The following PTPRN2 variants were observed in gnomAD, a reference collection of about 807,000 sequenced individuals.
PTPRN2 encodes the protein protein tyrosine phosphatase receptor type N2.
A neutral mutation model predicts 118.8 loss-of-function variants in PTPRN2; 74 were observed. That is an observed-to-expected ratio of 0.62 (90% CI 0.52 to 0.76). The LOEUF is 0.76. Among genes scored for constraint, PTPRN2 ranks in the 30% least tolerant of loss-of-function variants. The pLI, the probability that PTPRN2 is intolerant of heterozygous loss-of-function variation, is 0.00. For synonymous variants in PTPRN2, 641 were observed against 608.0 expected (o/e 1.05, Z -0.80); for missense variants, 1,481 against 1,394.4 (o/e 1.06, Z -0.99).
At chr7:157,796,362 C>T (rs911284807) in intron 12 of PTPRN2, among the ~76,000 whole-genome samples, 24 of 151,798 alleles carry the variant, frequency 1.6e-4, no homozygotes, top group African/African-American at 5.8e-4. Context: ...CCCTGTGGGG[C>T]CTTGTGGGCT....
intron 22 of PTPRN2, among the ~76,000 whole-genome samples, chr7:157,543,816 GTC>G (rs1207779118): frequency 6.6e-6 from 1 of 152,210 alleles, no homozygotes; most frequent in East Asian, 1.9e-4. Context: ...ACCTTCCTGT[GTC>G]TGTCACCTTC....
chr7:158,214,944 C>T (rs116534674), intron 3 of PTPRN2, among the ~76,000 whole-genome samples: 1 of 152,038 alleles, frequency 6.6e-6, no homozygotes, highest in Non-Finnish European at 1.5e-5. Context: ...TGACATAATA[C>T]AAAAATGTCC....
At chr7:158,312,824 TCCC>T (rs1801964066) in intron 3 of PTPRN2, among the ~76,000 whole-genome samples, 1 of 150,860 alleles carries the variant, frequency 6.6e-6, no homozygotes, top group Admixed American at 6.6e-5. Flanking sequence ...CGTGTAGATA[TCCC>T]CTACACGTGA....
intron 2 of PTPRN2, among the ~76,000 whole-genome samples, chr7:158,388,816 C>T (rs759025220): frequency 1.3e-4 from 20 of 152,192 alleles, no homozygotes; most frequent in Non-Finnish European, 2.5e-4. Context: ...CACTCATCGC[C>T]CCAGAGACTC....
intron 2 of PTPRN2, among the ~76,000 whole-genome samples, chr7:158,336,129 C>T (rs1210824910): frequency 6.2e-5 from 1 of 16,108 alleles, no homozygotes; most frequent in Non-Finnish European, 1.7e-4. Flanking sequence ...AGAGGTGACA[C>T]GTGCAGACGT....
intron 9 of PTPRN2, among the ~76,000 whole-genome samples, chr7:158,116,296 G>A (rs1369928541): frequency 6.6e-6 from 1 of 152,182 alleles, no homozygotes; most frequent in Non-Finnish European, 1.5e-5. Context: ...TTGGGAAGAT[G>A]GTGAGTAGGA....
At chr7:158,230,666 A>C (rs1366949988) in intron 3 of PTPRN2, among the ~76,000 whole-genome samples, 1 of 152,226 alleles carries the variant, frequency 6.6e-6, no homozygotes, top group African/African-American at 2.4e-5. Context: ...AAAAACTGTA[A>C]CACATGCACT....
intron 1 of PTPRN2, among the ~76,000 whole-genome samples, chr7:158,575,653 A>T (rs1586970423): frequency 6.6e-6 from 1 of 152,210 alleles, no homozygotes; most frequent in South Asian, 2.1e-4. Flanking sequence ...GGCATGAGCC[A>T]ATGTGCCCGG....
At chr7:157,842,615 A>G (rs1808514508) in intron 12 of PTPRN2, among the ~76,000 whole-genome samples, 1 of 151,920 alleles carries the variant, frequency 6.6e-6, no homozygotes, top group Non-Finnish European at 1.5e-5. Context: ...GGGTTTCACC[A>G]TGTCGGTCAG....
chr7:157,802,225 C>T (rs940423837), intron 12 of PTPRN2, among the ~76,000 whole-genome samples: 1 of 152,238 alleles, frequency 6.6e-6, no homozygotes, highest in South Asian at 2.1e-4. Context: ...GCCCTTGGAA[C>T]GGCCCCTTCC....
chr7:158,306,855 GTTTTTTTTTTTTTTTT>G (rs61276074), intron 3 of PTPRN2, among the ~76,000 whole-genome samples: 115 of 121,432 alleles, frequency 9.5e-4, no homozygotes, highest in Non-Finnish European at 1.8e-3. Flanking sequence ...GCTGTTTTTT[GTTTTTTTTTTTTTTTT>G]TTTTTTTTTT....
intron 1 of PTPRN2, among the ~76,000 whole-genome samples, chr7:158,545,987 A>AAAAGAAAG (rs201172440): frequency 6.6e-6 from 1 of 152,182 alleles, no homozygotes; most frequent in South Asian, 2.1e-4. Flanking sequence ...TGTCTCAAAA[A>AAAAGAAAG]AAAGAAAGAA....
chr7:158,407,179 CGTCCTGG>C (rs1292146372), intron 2 of PTPRN2, among the ~76,000 whole-genome samples: 9 of 48,136 alleles, frequency 1.9e-4, no homozygotes, highest in Admixed American at 5.8e-4. Flanking sequence ...CTGCGTCCTG[CGTCCTGG>C]GTCCTGGGTC....
chr7:157,783,305 TACTC>T (rs1164121190), intron 12 of PTPRN2, among the ~76,000 whole-genome samples: 3 of 151,878 alleles, frequency 2.0e-5, no homozygotes, highest in Non-Finnish European at 2.9e-5. Flanking sequence ...CGTGGCCTGT[TACTC>T]ACGTTCCCAT....
chr7:157,744,160 C>T (rs377664589), intron 12 of PTPRN2, among the ~76,000 whole-genome samples: 58 of 152,300 alleles, frequency 3.8e-4, no homozygotes, highest in South Asian at 8.3e-4. Flanking sequence ...CTGGGTACAG[C>T]AAGACCATGG....
At position 158,500,183 on chromosome 7, in the gene PTPRN2, G is replaced by A. The variant is rs1023214951; in HGVS notation, c.113-10398C>T. Among the ~76,000 whole-genome samples, 7 of 152,210 alleles carry A rather than the reference G, an allele frequency of 4.6e-5. No homozygotes were observed. The East Asian group carries it at 1.2e-3, about 25-fold the overall frequency. ...GAATCTGCACTTACAATAATGAAAA[G>A]ACAAATTAGATCCAATTGTTACTAC... On this transcript the variant is annotated intron_variant, in intron 1 of 22. Coordinates refer to ENST00000389418, the MANE Select transcript of PTPRN2 (RefSeq NM_002847.5).
intron 12 of PTPRN2, among the ~76,000 whole-genome samples, chr7:157,778,421 G>A (rs1168129539): frequency 1.3e-5 from 2 of 149,444 alleles, no homozygotes; most frequent in East Asian, 2.0e-4. Flanking sequence ...TGTGAATACA[G>A]GCATCAAATG....
chr7:157,622,671 C>T lies in PTPRN2; in HGVS notation c.2197-1162G>A, dbSNP rs1201269304. 6.6e-6 allele frequency among the ~76,000 whole-genome samples: 1 copy of T among 152,174 alleles called. No homozygotes were observed. Among genetic ancestry groups the T allele is most frequent in the East Asian group, 1.9e-4 (1 of 5,182 alleles). ...CTCACACGGGAGCAGGTGCATCGGG[C>T]ACCTGTGCTGTTTGCGCGACACCCC... is the stretch of plus-strand genomic sequence containing the variant. On this transcript the variant is annotated intron_variant, in intron 14 of 22. Coordinates refer to ENST00000389418, the MANE Select transcript of PTPRN2 (RefSeq NM_002847.5). This position sits in a 1 kb window ranked among gnomAD's most constrained non-coding sequence, Gnocchi z 5.3.
intron 12 of PTPRN2, among the ~76,000 whole-genome samples, chr7:157,786,131 C>T (rs1200395902): frequency 6.6e-6 from 1 of 152,194 alleles, no homozygotes; most frequent in Non-Finnish European, 1.5e-5. Context: ...TGGGGTGGAT[C>T]CCAGGCCCTC....
Sources: allele counts gnomAD v4.1 joint callset (sites outside exome capture counted in the v4.1 genomes callset), GRCh38; gene constraint gnomAD v4.1.1; non-coding constraint Gnocchi (gnomAD v3.1); transcripts MANE v1.5; gene names NCBI Gene and HGNC (gene_info 2026-07-23, HGNC 2026-07-21).